MAP3K15: variants seen among roughly 807,000 people sequenced by gnomAD.
The protein encoded by MAP3K15 is MAPK/ERK kinase kinase 15.
Under a neutral mutation model 99.5 loss-of-function variants are expected in MAP3K15, and 124 were observed. That is an observed-to-expected ratio of 1.25 (90% confidence interval 1.08 to 1.45). MAP3K15 has a LOEUF of 1.45. Ranked by LOEUF, MAP3K15 falls within the 40% of genes most tolerant of loss-of-function variation. The pLI is 0.00. For synonymous variants in MAP3K15, 494 were observed against 439.6 expected (o/e 1.12, Z -1.55); for missense variants, 1,242 against 1,079.7 (o/e 1.15, Z -2.11).
chrX:19,449,280 C>A, intron 6 of MAP3K15, among the ~76,000 whole-genome samples: 1 of 110,160 alleles, frequency 9.1e-6, no homozygotes, highest in Non-Finnish European at 1.9e-5. Context: ...GCCGTGCAGT[C>A]ATTTGCATAT....
chrX:19,455,944 G>A (rs6654063), intron 6 of MAP3K15, among the ~76,000 whole-genome samples: 9 of 110,717 alleles, frequency 8.1e-5, no homozygotes, highest in African/African-American at 2.3e-4. Context: ...TTACTATGTC[G>A]GGGGAACAAA....
intron 18 of MAP3K15, among the ~76,000 whole-genome samples, chrX:19,391,674 CAAAAAAAA>C (rs759061873): frequency 3.5e-5 from 1 of 28,516 alleles, no homozygotes; most frequent in East Asian, 1.2e-3. Context: ...GACCCCGTCT[CAAAAAAAA>C]AAAAAAAAAA....
In MAP3K15 at chrX:19,400,246, G is replaced by A. The variant is rs941167584; in HGVS notation, c.1932+330C>T. Among the ~76,000 whole-genome samples the A allele has an allele frequency of 8.0e-5, 9 of 112,107 alleles. No homozygotes were observed. The East Asian group carries it at 8.3e-4, about 10-fold the overall frequency. On this transcript the variant is annotated intron_variant, in intron 14 of 28. Transcript: ENST00000338883. ...ACTAAAGTCATTTTAAGCATAAAAC[G>A]TCTGCTCTCAGTTGGCCAACTAATT... is the stretch of plus-strand genomic sequence containing the variant.
chrX:19,499,554 G>A (rs2064428057), intron 1 of MAP3K15, among the ~76,000 whole-genome samples: 1 of 112,520 alleles, frequency 8.9e-6, no homozygotes, highest in Non-Finnish European at 1.9e-5. Context: ...TTCATCAATA[G>A]GAGAATGCCT....
At chrX:19,407,494 C>A (rs1192392677) in intron 12 of MAP3K15, among the ~76,000 whole-genome samples, 2 of 111,639 alleles carry the variant, frequency 1.8e-5, no homozygotes, top group Non-Finnish European at 3.8e-5. Context: ...TATCAACTGA[C>A]CTTAATATGA....
intron 3 of MAP3K15, among the ~76,000 whole-genome samples, chrX:19,473,471 A>T (rs1238549271): frequency 8.9e-6 from 1 of 112,673 alleles, no homozygotes; most frequent in Non-Finnish European, 1.9e-5. Flanking sequence ...TAGTTGTTAC[A>T]TTTATAAGTG....
chrX:19,393,240 C>T (rs1163182809), intron 16 of MAP3K15, among the ~76,000 whole-genome samples: 1 of 111,493 alleles, frequency 9.0e-6, no homozygotes, highest in East Asian at 2.8e-4. Context: ...CTTGATCTAC[C>T]TTGGTTTCCC....
chrX:19,400,505 G>T, intron 14 of MAP3K15, 71 bp downstream of exon 14: 1 of 787,294 alleles, frequency 1.3e-6, no homozygotes, highest in Non-Finnish European at 1.9e-6. Context: ...TTTATAGAAA[G>T]ATGGGACATT....
chrX:19,370,684 A>G (rs2063367852), intron 24 of MAP3K15, among the ~76,000 whole-genome samples: 2 of 101,560 alleles, frequency 2.0e-5, no homozygotes, highest in South Asian at 8.7e-4. Flanking sequence ...GGCATGAGCC[A>G]CCGCGTCCGG....
chrX:19,439,152 G>A (rs948813380), intron 6 of MAP3K15, among the ~76,000 whole-genome samples: 3 of 111,039 alleles, frequency 2.7e-5, no homozygotes, highest in South Asian at 3.8e-4. Flanking sequence ...AGTAGAGGTC[G>A]TGCCACCGGC....
At chrX:19,422,842 A>G (rs1252003518) in intron 9 of MAP3K15, among the ~76,000 whole-genome samples, 7 of 111,521 alleles carry the variant, frequency 6.3e-5, no homozygotes, top group African/African-American at 9.8e-5. Context: ...GGAATACTAT[A>G]CAGCCATAAA....
In MAP3K15 at chrX:19,515,103, ACT is replaced by A; in HGVS notation, c.157_158del (p.Ser53TrpfsTer16). Reference protein sequence around the residue: ...GAAGGSGEGESGGGPRRALRA... With the variant: ...GAAGGSGEGEXGGGPRRALRA... Reference sequence around the variant, plus strand: ...GCAGAGCCCGCCGCGGCCCGCCCCCACTCTCGCCCTCGCCGCTGCCGCCTGCC... The same window carrying A: ...GCAGAGCCCGCCGCGGCCCGCCCCCACTCGCCCTCGCCGCTGCCGCCTGCC... On this transcript the variant is annotated frameshift_variant, in exon 1 of 29. Coordinates refer to ENST00000338883, the MANE Select transcript of MAP3K15 (RefSeq NM_001001671.4). LOFTEE classifies it high-confidence loss of function. 1 of 840,683 alleles carries A rather than the reference ACT, an allele frequency of 1.2e-6. No individual in the cohort carries two copies. Among genetic ancestry groups the A allele is most frequent in the Non-Finnish European group, 1.5e-6 (1 of 664,259 alleles). 69.3% of individuals were successfully genotyped at this position (840,683 alleles called of 1,213,427 possible). A position where few individuals can be genotyped will look rare whatever the true frequency, so the allele number is the denominator to read the frequency against.
chrX:19,415,182 C>T lies in MAP3K15; in HGVS notation c.1515G>A (p.Arg505=), dbSNP rs776702903. 5 of 1,179,466 alleles carry T rather than the reference C, an allele frequency of 4.2e-6. No homozygotes were observed. Among genetic ancestry groups the T allele is most frequent in the Non-Finnish European group, 5.7e-6 (5 of 884,076 alleles). The change falls in exon 10 of 29, where the codon AGG becomes AGA. Residue 505 remains arginine (R), a synonymous_variant. Coordinates refer to ENST00000338883, the MANE Select transcript of MAP3K15 (RefSeq NM_001001671.4). The part of the protein sequence containing the change: ...FKKTIIEHSP[R]QERLNFWLDI... Reference sequence around the variant, plus strand: ...CTAACCAGAAGTTCAGCCGCTCTTGCCTGGGCGAGTGTTCAATAATGGTTT... The same window carrying T: ...CTAACCAGAAGTTCAGCCGCTCTTGTCTGGGCGAGTGTTCAATAATGGTTT...
intron 24 of MAP3K15, among the ~76,000 whole-genome samples, chrX:19,370,489 G>A (rs903701228): frequency 4.5e-5 from 5 of 111,076 alleles, no homozygotes; most frequent in Non-Finnish European, 9.4e-5. Context: ...TCCACCACCC[G>A]GGTTCAAGCG....
At chrX:19,426,818 CAAAAAAAAAAAAA>C (rs746106862) in intron 7 of MAP3K15, among the ~76,000 whole-genome samples, 1 of 21,148 alleles carries the variant, frequency 4.7e-5, no homozygotes, top group East Asian at 1.6e-3. Context: ...AATCTGTCTC[CAAAAAAAAAAAAA>C]AAAAAAAAAA....
chrX:19,460,407 A>G (rs1265142495), intron 4 of MAP3K15, among the ~76,000 whole-genome samples: 1 of 112,292 alleles, frequency 8.9e-6, no homozygotes, highest in African/African-American at 3.2e-5. Context: ...CTGTACTTGG[A>G]CAACACACAG....
At chrX:19,512,086 C>A (rs2064522854) in intron 1 of MAP3K15, among the ~76,000 whole-genome samples, 1 of 111,416 alleles carries the variant, frequency 9.0e-6, no homozygotes, top group African/African-American at 3.3e-5. Flanking sequence ...CCAAACACTA[C>A]ATGTTCTCAC....
chrX:19,393,204 T>G (rs1411684380), intron 16 of MAP3K15, among the ~76,000 whole-genome samples: 4 of 111,858 alleles, frequency 3.6e-5, no homozygotes, highest in Non-Finnish European at 7.5e-5. Context: ...TGGTCTCAGA[T>G]TCCCACTTAC....
Position 19,384,569 on chromosome X carries a change from A to G in MAP3K15, c.2432-4292T>C, listed in dbSNP as rs190580028. 2.9e-3 allele frequency among the ~76,000 whole-genome samples: 312 copies of G among 107,463 alleles called. 1 individual carries two copies. The highest frequency in any genetic ancestry group is 0.01 in the African/African-American group (299 of 29,604). The allele number at this position is 107,463 out of a possible 115,157, so 93.3% of individuals were successfully genotyped here. A position where few individuals can be genotyped will look rare whatever the true frequency, so the allele number is the denominator to read the frequency against. On this transcript the variant is annotated intron_variant, in intron 18 of 28. Transcript: ENST00000338883. ...AGCCTGGGCAACACAGCGAAACCCC[A>G]TCTCTACTAAAAAAGTACAAAAAAT...
Sources: gnomAD v4.1 joint callset for allele counts (sites outside exome capture counted in the v4.1 genomes callset) on GRCh38, gnomAD v4.1.1 for gene constraint, MANE v1.5 for transcripts, NCBI Gene and HGNC (gene_info 2026-07-23, HGNC 2026-07-21) for gene names.